Variants in TMEM33 observed in about 807,000 individuals in gnomAD.
TMEM33 encodes the protein transmembrane protein 33.
In TMEM33, 16 loss-of-function variants were observed where a neutral mutation model predicts 29.7. The ratio of observed to expected loss-of-function variants is 0.54; its 90% confidence interval spans 0.36 to 0.82. TMEM33 has a LOEUF of 0.82. TMEM33 is among the 40% of genes least tolerant of loss of function. The pLI, the probability that TMEM33 is intolerant of heterozygous loss-of-function variation, is 0.00. For missense variants in TMEM33, 252 were observed against 295.3 expected, an observed-to-expected ratio of 0.85 and a Z score of 1.08; for synonymous variants, 112 against 109.4, an observed-to-expected ratio of 1.02 and a Z score of -0.15.
chr4:41,953,089 A>G (rs1053690109), intron 6 of TMEM33, among the ~76,000 whole-genome samples: 2 of 152,136 alleles, frequency 1.3e-5, no homozygotes, highest in African/African-American at 4.8e-5. Flanking sequence ...TTTATTAAAT[A>G]CCTTTGTTAA....
chr4:41,950,115 T>C (rs889201024), intron 6 of TMEM33, among the ~76,000 whole-genome samples: 1 of 152,134 alleles, frequency 6.6e-6, no homozygotes, highest in African/African-American at 2.4e-5. Context: ...AATATTCTTC[T>C]GATACCCTTG....
At chr4:41,948,219 A>G (rs1484908376) in intron 5 of TMEM33, among the ~76,000 whole-genome samples, 1 of 152,158 alleles carries the variant, frequency 6.6e-6, no homozygotes, top group Non-Finnish European at 1.5e-5. Flanking sequence ...GAGCACTATC[A>G]ATGTTAGTCA....
At chr4:41,953,883 T>A in intron 6 of TMEM33, 187 bp from the exon 7 acceptor site, 1 of 666,920 alleles carries the variant, frequency 1.5e-6, no homozygotes, top group South Asian at 1.5e-5. Context: ...ATTGGCAAAG[T>A]GTGACGCAGA....
At chr4:41,952,661 G>A (rs1000783324) in intron 6 of TMEM33, among the ~76,000 whole-genome samples, 4 of 152,166 alleles carry the variant, frequency 2.6e-5, no homozygotes. Context: ...AGGAGATGGG[G>A]CAGAAAATTA....
At chr4:41,936,169 C>T (rs1712221655) in intron 1 of TMEM33, among the ~76,000 whole-genome samples, 1 of 152,164 alleles carries the variant, frequency 6.6e-6, no homozygotes, top group Non-Finnish European at 1.5e-5. Flanking sequence ...GAAATATTAC[C>T]TAATATAAAA....
intron 3 of TMEM33, among the ~76,000 whole-genome samples, chr4:41,940,045 T>TG (rs1712449325): frequency 8.2e-6 from 1 of 122,184 alleles, no homozygotes; most frequent in Non-Finnish European, 1.7e-5. Context: ...GGTTAAACTT[T>TG]CTTTTTTTTT....
At position 41,960,709 on chromosome 4, in the gene TMEM33, C is replaced by T. The variant is rs1713429932; in HGVS notation, c.*6510C>T. The T allele has an allele frequency of 6.6e-6, 1 of 151,954 alleles. No individual in the cohort carries two copies. 9.4% of individuals were successfully genotyped at this position (151,954 alleles called of 1,614,324 possible). A position where few individuals can be genotyped will look rare whatever the true frequency, so the allele number is the denominator to read the frequency against. ...CAGCCCATCACAAATAATAGAGATGCCATGATTTTGAGGTCTGATGTGAAA... is the reference window on the plus strand; with the variant it reads ...CAGCCCATCACAAATAATAGAGATGTCATGATTTTGAGGTCTGATGTGAAA... On this transcript the variant is annotated 3_prime_UTR_variant, in exon 7 of 7. Transcript: ENST00000504986.
chr4:41,954,722 G>A lies in TMEM33; in HGVS notation c.*523G>A, dbSNP rs1713188030. On this transcript the variant is annotated 3_prime_UTR_variant, in exon 7 of 7. Coordinates refer to ENST00000504986, the MANE Select transcript of TMEM33 (RefSeq NM_018126.3). ...TATGCTGCTTTGTTAGGACAGATGT[G>A]TTTTGAATGTACCATTATAAGAAGA... The A allele has an allele frequency of 2.0e-5, 3 of 152,582 alleles. No individual in the cohort carries two copies. Among genetic ancestry groups the A allele is most frequent in the African/African-American group, 7.2e-5 (3 of 41,416 alleles). 9.5% of individuals were successfully genotyped at this position (152,582 alleles called of 1,614,324 possible).
rs944043752 is a variant in TMEM33 at position 41,960,465 on chromosome 4, A to G, written c.*6266A>G. ...CTTTGTATGTCTAATATTTATTTCA[A>G]TGCAAATTCAATTGTTCCTTCATCT... On this transcript the variant is annotated 3_prime_UTR_variant, in exon 7 of 7. Transcript: ENST00000504986. 4 of 152,312 alleles carry G rather than the reference A, an allele frequency of 2.6e-5. No individual in the cohort carries two copies. Among genetic ancestry groups the G allele is most frequent in the African/African-American group, 9.6e-5 (4 of 41,586 alleles). 9.4% of individuals were successfully genotyped at this position (152,312 alleles called of 1,614,324 possible).
intron 6 of TMEM33, among the ~76,000 whole-genome samples, chr4:41,949,769 A>G (rs985211310): frequency 6.6e-6 from 1 of 152,168 alleles, no homozygotes; most frequent in African/African-American, 2.4e-5. Flanking sequence ...TTGCTTTATT[A>G]TATCAGTACT....
chr4:41,946,100 A>G lies in TMEM33; in HGVS notation c.530+1174A>G, dbSNP rs1242231821. Among the ~76,000 whole-genome samples the G allele has an allele frequency of 6.4e-5, 9 of 140,102 alleles. No homozygotes were observed. In the South Asian group the frequency reaches 6.7e-4, roughly 10 times the overall value. The allele number at this position is 140,102 out of a possible 152,430, so 91.9% of individuals were successfully genotyped here. A position where few individuals can be genotyped will look rare whatever the true frequency, so the allele number is the denominator to read the frequency against. ...CTGTTTTTTTTTTTTTTTTAGCCGTATAACATTCCAACTTATCTCCTGATC... is the reference window on the plus strand; with the variant it reads ...CTGTTTTTTTTTTTTTTTTAGCCGTGTAACATTCCAACTTATCTCCTGATC... On this transcript the variant is annotated intron_variant, in intron 5 of 6. Transcript: ENST00000504986.
intron 3 of TMEM33, among the ~76,000 whole-genome samples, chr4:41,941,899 A>G (rs1712557832): frequency 6.6e-6 from 1 of 152,200 alleles, no homozygotes; most frequent in Middle Eastern, 3.2e-3. Flanking sequence ...ATAGTTTAAG[A>G]GTAATGTTGA....
At chr4:41,945,166 A>C (rs992515250) in intron 5 of TMEM33, among the ~76,000 whole-genome samples, 5 of 152,208 alleles carry the variant, frequency 3.3e-5, no homozygotes, top group Non-Finnish European at 7.3e-5. Context: ...AATTACTTTC[A>C]TAGTTACCAC....
rs532386043 is a variant in TMEM33 at position 41,955,378 on chromosome 4, C to G, written c.*1179C>G. On this transcript the variant is annotated 3_prime_UTR_variant, in exon 7 of 7. Coordinates refer to ENST00000504986, the MANE Select transcript of TMEM33 (RefSeq NM_018126.3). ...AATGTGTTAAATCCTGTTCATTGAA[C>G]TCCCATCAACTCTTATAAAATTCAT... is the stretch of plus-strand genomic sequence containing the variant. 2.0e-5 allele frequency: 3 copies of G among 152,502 alleles called. No homozygotes were observed. The highest frequency in any genetic ancestry group is 6.5e-5 in the Admixed American group (1 of 15,294). The allele number at this position is 152,502 out of a possible 1,614,324, so 9.4% of individuals were successfully genotyped here. A position where few individuals can be genotyped will look rare whatever the true frequency, so the allele number is the denominator to read the frequency against.
intron 1 of TMEM33, among the ~76,000 whole-genome samples, chr4:41,936,576 G>C (rs186703054): frequency 3.3e-5 from 5 of 151,988 alleles, no homozygotes; most frequent in Non-Finnish European, 5.9e-5. Flanking sequence ...ACATAAATTA[G>C]CCGGTCGTGG....
At chr4:41,941,179 G>C (rs945868743) in intron 3 of TMEM33, among the ~76,000 whole-genome samples, 1 of 152,182 alleles carries the variant, frequency 6.6e-6, no homozygotes, top group African/African-American at 2.4e-5. Context: ...GCATGAGTCT[G>C]TAATGTCCCA....
intron 5 of TMEM33, 118 bp downstream of exon 5, chr4:41,945,044 G>T: frequency 7.7e-7 from 1 of 1,296,916 alleles, no homozygotes; most frequent in South Asian, 1.5e-5. Context: ...AGAGCTAAAT[G>T]AATCTTAGCA....
intron 5 of TMEM33, among the ~76,000 whole-genome samples, chr4:41,946,596 T>A (rs1712799404): frequency 6.6e-6 from 1 of 152,212 alleles, no homozygotes; most frequent in African/African-American, 2.4e-5. Flanking sequence ...TGCAGTTGTA[T>A]TTGTAAATTA....
At chr4:41,949,188 G>T in intron 5 of TMEM33, 114 bp from the exon 6 acceptor site, 1 of 608,396 alleles carries the variant, frequency 1.6e-6, no homozygotes. Context: ...ATTTCACTAT[G>T]ACCATTTGAT....
Sources: gnomAD v4.1 joint callset for allele counts (sites outside exome capture counted in the v4.1 genomes callset) on GRCh38, gnomAD v4.1.1 for gene constraint, MANE v1.5 for transcripts, NCBI Gene and HGNC (gene_info 2026-07-23, HGNC 2026-07-21) for gene names.